The following CLMN variants were observed in gnomAD, a reference collection of about 807,000 sequenced individuals.
CLMN encodes calmin, also known as calmin (calponin-like, transmembrane).
Under a neutral mutation model 92.7 loss-of-function variants are expected in CLMN, and 57 were observed. That is an observed-to-expected ratio of 0.61 (90% confidence interval 0.50 to 0.77). CLMN has a LOEUF of 0.77. Among genes scored for constraint, CLMN ranks in the 30% least tolerant of loss-of-function variants. The probability of loss-of-function intolerance (pLI) is 0.00; values close to 1 mark genes in which losing one functional copy is unlikely to be tolerated. For synonymous variants in CLMN, 466 were observed against 470.6 expected (o/e 0.99, Z 0.13); for missense variants, 1,158 against 1,237.5 (o/e 0.94, Z 0.96).
At chr14:95,230,751 C>A (rs1897859718) in intron 1 of CLMN, among the ~76,000 whole-genome samples, 1 of 152,254 alleles carries the variant, frequency 6.6e-6, no homozygotes, top group South Asian at 2.1e-4. Flanking sequence ...CAGGCTCCTG[C>A]AGAGCCAACT....
intron 1 of CLMN, among the ~76,000 whole-genome samples, chr14:95,301,231 C>A (rs1901039246): frequency 6.6e-6 from 1 of 152,186 alleles, no homozygotes; most frequent in South Asian, 2.1e-4. Context: ...ACATGTAGTT[C>A]CCATAATTCT....
chr14:95,183,735 C>T lies in CLMN; in HGVS notation c.*7829G>A, dbSNP rs11627328. The stretch of plus-strand genomic sequence containing the variant: ...TTTACTGCAAAAGACCCTTTCAAGG[C>T]GGCCATTTTGGTTGCAAATTTGCAA... On this transcript the variant is annotated 3_prime_UTR_variant, in exon 13 of 13. Transcript: ENST00000298912. 24 of 152,328 alleles carry T rather than the reference C, an allele frequency of 1.6e-4. No homozygotes were observed. Among genetic ancestry groups the T allele is most frequent in the South Asian group, 4.1e-4 (2 of 4,834 alleles). The allele number at this position is 152,328 out of a possible 1,614,324, so 9.4% of individuals were successfully genotyped here.
intron 1 of CLMN, among the ~76,000 whole-genome samples, chr14:95,235,799 C>T (rs557069550): frequency 6.0e-4 from 91 of 152,240 alleles, no homozygotes; most frequent in African/African-American, 1.9e-3. Flanking sequence ...GCTTCCGAGA[C>T]GCTGCTTGGG....
intron 1 of CLMN, among the ~76,000 whole-genome samples, chr14:95,265,464 T>A (rs1056713999): frequency 6.6e-6 from 1 of 152,182 alleles, no homozygotes; most frequent in Non-Finnish European, 1.5e-5. Context: ...AACTCCACAA[T>A]TGCATAAACC....
intron 1 of CLMN, among the ~76,000 whole-genome samples, chr14:95,233,989 G>A (rs1217223606): frequency 6.6e-6 from 1 of 152,232 alleles, no homozygotes; most frequent in Non-Finnish European, 1.5e-5. Context: ...GAAGCAGAGT[G>A]TGGACACCAT....
At chr14:95,313,290 T>C (rs1901621265) in intron 1 of CLMN, among the ~76,000 whole-genome samples, 1 of 152,240 alleles carries the variant, frequency 6.6e-6, no homozygotes, top group Non-Finnish European at 1.5e-5. Flanking sequence ...CTTTTCTCCA[T>C]TTCTGTCTTC....
chr14:95,245,174 TTA>T (rs1226855465), intron 1 of CLMN, among the ~76,000 whole-genome samples: 20 of 50,426 alleles, frequency 4.0e-4, no homozygotes, highest in Admixed American at 1.6e-3. Context: ...ACTGGTTATA[TTA>T]TATATATATA....
intron 1 of CLMN, among the ~76,000 whole-genome samples, chr14:95,316,078 G>T (rs1008585045): frequency 6.6e-6 from 1 of 152,210 alleles, no homozygotes; most frequent in Admixed American, 6.5e-5. Flanking sequence ...AAGAGGGAGA[G>T]GGGGCAGCCA....
At chr14:95,261,819 C>T (rs1234798558) in intron 1 of CLMN, among the ~76,000 whole-genome samples, 2 of 152,204 alleles carry the variant, frequency 1.3e-5, no homozygotes, top group Non-Finnish European at 2.9e-5. Context: ...ACAGCCCATG[C>T]CCCCCTGCAG....
chr14:95,229,068 T>G (rs1172261345), intron 2 of CLMN, among the ~76,000 whole-genome samples: 1 of 152,222 alleles, frequency 6.6e-6, no homozygotes, highest in African/African-American at 2.4e-5. Context: ...GACTACTTGC[T>G]GGATATAGAT....
At chr14:95,250,007 C>T (rs527780777) in intron 1 of CLMN, among the ~76,000 whole-genome samples, 1 of 151,676 alleles carries the variant, frequency 6.6e-6, no homozygotes, top group Admixed American at 6.5e-5. Context: ...GCAGACAATG[C>T]TGGTGTGTGC....
chr14:95,207,232 A>C (rs1595567619), intron 8 of CLMN, among the ~76,000 whole-genome samples: 1 of 152,224 alleles, frequency 6.6e-6, no homozygotes, highest in Admixed American at 6.5e-5. Context: ...TAATGAAAAC[A>C]GTTAAAATCT....
intron 1 of CLMN, among the ~76,000 whole-genome samples, chr14:95,249,719 G>A (rs929386583): frequency 1.3e-5 from 2 of 152,080 alleles, no homozygotes; most frequent in Admixed American, 6.5e-5. Context: ...AGCCTCCCAA[G>A]TAGCTGGGAC....
chr14:95,253,484 C>A (rs1898868875), intron 1 of CLMN, among the ~76,000 whole-genome samples: 1 of 147,174 alleles, frequency 6.8e-6, no homozygotes, highest in Admixed American at 6.7e-5. Context: ...TTTAGCATCA[C>A]AATTACAAAT....
chr14:95,233,704 C>T (rs1354095305), intron 1 of CLMN, among the ~76,000 whole-genome samples: 1 of 152,188 alleles, frequency 6.6e-6, no homozygotes, highest in African/African-American at 2.4e-5. Flanking sequence ...TGACTTCAGA[C>T]CCCGTGAGGT....
chr14:95,246,282 C>G (rs540145037), intron 1 of CLMN, among the ~76,000 whole-genome samples: 1 of 152,302 alleles, frequency 6.6e-6, no homozygotes, highest in South Asian at 2.1e-4. Flanking sequence ...ATGCTCAGAG[C>G]CTGCTGAAAT....
chr14:95,318,695 C>T (rs1405734314), intron 1 of CLMN, among the ~76,000 whole-genome samples: 1 of 152,050 alleles, frequency 6.6e-6, no homozygotes, highest in Non-Finnish European at 1.5e-5. Context: ...CCCAAGCCAG[C>T]AGGGGAAGCA....
intron 1 of CLMN, among the ~76,000 whole-genome samples, chr14:95,308,774 A>T (rs1401637951): frequency 6.6e-6 from 1 of 152,130 alleles, no homozygotes; most frequent in African/African-American, 2.4e-5. Context: ...AATACCGCAG[A>T]TTGTCTTCTG....
intron 1 of CLMN, among the ~76,000 whole-genome samples, chr14:95,265,870 C>T (rs139483669): frequency 6.6e-6 from 1 of 152,330 alleles, no homozygotes; most frequent in African/African-American, 2.4e-5. Flanking sequence ...ATCAGATTTT[C>T]TCTATAGCAA....
Sources: allele counts gnomAD v4.1 joint callset (sites outside exome capture counted in the v4.1 genomes callset), GRCh38; gene constraint gnomAD v4.1.1; transcripts MANE v1.5; gene names NCBI Gene and HGNC (gene_info 2026-07-23, HGNC 2026-07-21).